Variants in SLC24A2 observed in about 807,000 individuals in gnomAD.
The protein encoded by SLC24A2 is solute carrier family 24 member 2, also known as sodium/potassium/calcium exchanger 2.
SLC24A2 carries 36 observed loss-of-function variants against 62.0 expected under a neutral mutation model. That is an observed-to-expected ratio of 0.58 (90% confidence interval 0.44 to 0.77). SLC24A2 has a LOEUF of 0.77. SLC24A2 is among the 30% of genes least tolerant of loss of function. SLC24A2 has a pLI of 0.00. For missense variants in SLC24A2, 846 were observed against 817.9 expected (o/e 1.03, Z -0.42); for synonymous variants, 358 against 294.0 (o/e 1.22, Z -2.23).
chr9:19,561,327 G>A (rs1835389215), intron 7 of SLC24A2, among the ~76,000 whole-genome samples: 1 of 147,466 alleles, frequency 6.8e-6, no homozygotes, highest in South Asian at 2.1e-4. Context: ...GTGAAAAAGA[G>A]GTAAGTTTAC....
At chr9:19,629,273 A>T (rs1818116623) in intron 2 of SLC24A2, among the ~76,000 whole-genome samples, 1 of 152,188 alleles carries the variant, frequency 6.6e-6, no homozygotes, top group African/African-American at 2.4e-5. Context: ...ACCTGTGAGG[A>T]GGCTGCAGAC....
chr9:20,285,389 G>A, the SLC24A2 span, among the ~76,000 whole-genome samples: 1 of 152,222 alleles, frequency 6.6e-6, no homozygotes, highest in Admixed American at 6.5e-5. Context: ...TGGAGACCAA[G>A]GAAGGCAATT....
At chr9:19,977,651 T>C in the SLC24A2 span, among the ~76,000 whole-genome samples, 1 of 152,242 alleles carries the variant, frequency 6.6e-6, no homozygotes, top group Non-Finnish European at 1.5e-5. Context: ...TGATATTTCC[T>C]GCTTCAGGGA....
intron 2 of SLC24A2, among the ~76,000 whole-genome samples, chr9:19,642,711 C>T (rs1455126524): frequency 3.1e-5 from 4 of 128,902 alleles, no homozygotes; most frequent in Non-Finnish European, 6.3e-5. Context: ...GACGGAGCCT[C>T]GCTCTTTCGC....
At chr9:19,965,049 C>T in the SLC24A2 span, among the ~76,000 whole-genome samples, 3 of 151,976 alleles carry the variant, frequency 2.0e-5, no homozygotes, top group Admixed American at 6.5e-5. Flanking sequence ...CTCCCACGAT[C>T]GTGTAGATCG....
the SLC24A2 span, among the ~76,000 whole-genome samples, chr9:20,023,886 T>C: frequency 5.3e-5 from 8 of 152,218 alleles, no homozygotes; most frequent in African/African-American, 1.2e-4. Flanking sequence ...GAATATGTTT[T>C]CCGAAGAATT....
the SLC24A2 span, among the ~76,000 whole-genome samples, chr9:20,098,494 C>A: frequency 6.6e-6 from 1 of 152,152 alleles, no homozygotes. Context: ...CCTCTAGGCC[C>A]AAACCAAAGG....
chr9:19,881,918 A>G, the SLC24A2 span, among the ~76,000 whole-genome samples: 1 of 152,194 alleles, frequency 6.6e-6, no homozygotes, highest in African/African-American at 2.4e-5. Flanking sequence ...TTAAATAGTG[A>G]GCATTTCTGC....
intron 5 of SLC24A2, among the ~76,000 whole-genome samples, chr9:19,592,591 A>T (rs563383587): frequency 2.7e-4 from 41 of 152,148 alleles, no homozygotes; most frequent in African/African-American, 8.9e-4. Context: ...ACCTTTGAAG[A>T]GCAAAAATTA....
chr9:19,791,005 T>C (rs187355601), upstream of SLC24A2, among the ~76,000 whole-genome samples: 3 of 152,318 alleles, frequency 2.0e-5, no homozygotes, highest in Admixed American at 1.3e-4. Context: ...ATAGATTGTA[T>C]TGGCTGGGAT....
At chr9:20,086,858 A>G in the SLC24A2 span, among the ~76,000 whole-genome samples, 72,084 of 152,064 alleles carry the variant, frequency 0.47, 18,537 homozygotes, top group African/African-American at 0.68. Context: ...CTGGTGTTGC[A>G]GTTATATGCA....
chr9:19,744,798 T>G (rs1397874010), intron 2 of SLC24A2, among the ~76,000 whole-genome samples: 1 of 152,170 alleles, frequency 6.6e-6, no homozygotes, highest in African/African-American at 2.4e-5. Context: ...CTGCTTCCCA[T>G]TCAAATACCT....
At chr9:20,072,677 G>C in the SLC24A2 span, among the ~76,000 whole-genome samples, 1 of 151,954 alleles carries the variant, frequency 6.6e-6, no homozygotes, top group African/African-American at 2.4e-5. Flanking sequence ...TTTTAAGAGA[G>C]ATGCAGGAGG....
rs1445606649 is a variant in SLC24A2 at position 19,515,397 on chromosome 9, G to GT, written c.*755dup. On this transcript the variant is annotated 3_prime_UTR_variant, in exon 11 of 11. Transcript: ENST00000341998. Reference sequence around the variant, plus strand: ...GGCAGATAGTCTCTCTGTTTGGCTTGTAGGAATGTTTTGGAAGGCTCAACT... The same window carrying GT: ...GGCAGATAGTCTCTCTGTTTGGCTTGTTAGGAATGTTTTGGAAGGCTCAACT... 3 of 152,168 alleles carry GT rather than the reference G, an allele frequency of 2.0e-5. No homozygotes were observed. The highest frequency in any genetic ancestry group is 4.4e-5 in the Non-Finnish European group (3 of 68,090). 9.4% of individuals were successfully genotyped at this position (152,168 alleles called of 1,614,324 possible).
intron 5 of SLC24A2, among the ~76,000 whole-genome samples, chr9:19,595,061 T>C (rs904755124): frequency 2.6e-5 from 4 of 152,234 alleles, no homozygotes; most frequent in African/African-American, 9.6e-5. Context: ...GAGGTTCCTG[T>C]TCTAGGTGAA....
the SLC24A2 span, among the ~76,000 whole-genome samples, chr9:20,288,020 G>C: frequency 1.1e-5 from 1 of 88,302 alleles, no homozygotes; most frequent in African/African-American, 8.3e-5. Context: ...TTGGGAGTGG[G>C]AAGGGAGGAG....
the SLC24A2 span, among the ~76,000 whole-genome samples, chr9:20,227,932 G>C: frequency 6.6e-6 from 1 of 152,082 alleles, no homozygotes; most frequent in East Asian, 1.9e-4. Context: ...AAAACAACCT[G>C]TTTCAGTTTA....
At chr9:19,774,698 A>G (rs1430059500) in intron 2 of SLC24A2, among the ~76,000 whole-genome samples, 1 of 152,142 alleles carries the variant, frequency 6.6e-6, no homozygotes, top group Non-Finnish European at 1.5e-5. Context: ...CAAGCAGTAA[A>G]AGAGAAAGTT....
chr9:19,936,761 T>G, the SLC24A2 span, among the ~76,000 whole-genome samples: 1 of 152,142 alleles, frequency 6.6e-6, no homozygotes, highest in Non-Finnish European at 1.5e-5. Flanking sequence ...ATCCTCCCCT[T>G]TTCATATTAA....
Sources: gnomAD v4.1 joint callset for allele counts (sites outside exome capture counted in the v4.1 genomes callset) on GRCh38, gnomAD v4.1.1 for gene constraint, MANE v1.5 for transcripts, NCBI Gene and HGNC (gene_info 2026-07-23, HGNC 2026-07-21) for gene names.